Variants in WDR87 observed in about 807,000 individuals in gnomAD.
WDR87 encodes the protein WD repeat-containing protein 87.
A neutral mutation model predicts 83.3 loss-of-function variants in WDR87; 56 were observed. That is an observed-to-expected ratio of 0.67 (90% confidence interval 0.54 to 0.84). The LOEUF (loss-of-function observed/expected upper bound fraction) is 0.84, where lower values mean the gene tolerates loss of function less well. Among genes scored for constraint, WDR87 ranks in the 40% least tolerant of loss-of-function variants. The pLI, the probability that WDR87 is intolerant of heterozygous loss-of-function variation, is 0.00. For missense variants in WDR87, 2,939 were observed against 3,431.9 expected (o/e 0.86, Z 3.59); for synonymous variants, 1,173 against 1,250.6 (o/e 0.94, Z 1.31).
intron 1 of WDR87, among the ~76,000 whole-genome samples, chr19:37,904,352 G>A (rs984441392): frequency 6.7e-6 from 1 of 148,792 alleles, no homozygotes; most frequent in Admixed American, 6.7e-5. Context: ...TCTTTTGTGT[G>A]TGTGTGTGCT....
At position 37,892,765 on chromosome 19, in the gene WDR87, C is replaced by G; in HGVS notation, c.2938G>C (p.Ala980Pro). 6.4e-7 allele frequency: 1 copy of G among 1,551,762 alleles called. No individual in the cohort carries two copies. The highest frequency in any genetic ancestry group is 8.7e-7 in the Non-Finnish European group (1 of 1,146,990). ...TNSNPLIREL[A>P]WEGLKRLGMI... ...CCTAGACGCTTCAGCCCTTCCCAAG[C>G]TAGTTCTCGGATCAGCGGGTTGGAA... is the stretch of plus-strand genomic sequence containing the variant. Residue 980 changes from alanine to proline, a missense_variant, in exon 4 of 6, where the codon GCT becomes CCT. By Grantham distance (27) the Ala-to-Pro change is conservative. Coordinates refer to ENST00000447313, the MANE Select transcript of WDR87 (RefSeq NM_001291088.2).
rs868543396 is a variant in WDR87 at position 37,888,168 on chromosome 19, C to T, written c.5503G>A (p.Glu1835Lys). 1.3e-6 allele frequency: 2 copies of T among 1,552,036 alleles called. No homozygotes were observed. The highest frequency in any genetic ancestry group is 2.7e-5 in the African/African-American group (2 of 73,000). ...TGCTCCCTTTTCCGTCCCAGTCTTTCCTCTTCCTCAGGCATTTTTTCCTTG... is the reference window on the plus strand; with the variant it reads ...TGCTCCCTTTTCCGTCCCAGTCTTTTCTCTTCCTCAGGCATTTTTTCCTTG... ...QHKEKMPEEE[E>K]RLGRKREQLI... Residue 1835 changes from glutamate (E) to lysine (K), a missense_variant, in exon 6 of 6, where the codon GAA (glutamate) becomes AAA (lysine). By Grantham distance (56) the Glu-to-Lys change is moderately conservative. Around this residue, in one of 3 missense-constraint regions of WDR87, gnomAD observed 2,160 missense variants for 2,533.1 expected, o/e 0.85. Coordinates refer to ENST00000447313, the MANE Select transcript of WDR87 (RefSeq NM_001291088.2).
chr19:37,892,521 G>T, intron 4 of WDR87, 57 bp downstream of exon 4: 1 of 1,390,324 alleles, frequency 7.2e-7, no homozygotes, highest in Non-Finnish European at 9.6e-7. Context: ...AAATAGCAAA[G>T]GAAAGGAGGG....
rs943017090 is a variant in WDR87 at position 37,885,369 on chromosome 19, A to T, written c.8302T>A (p.Phe2768Ile). ...CGCAAAACATGGTACAGTGCCACAAATGTCTCCCACAAAGGCAACTCTTCC... is the reference window on the plus strand; with the variant it reads ...CGCAAAACATGGTACAGTGCCACAATTGTCTCCCACAAAGGCAACTCTTCC... ...KKEELPLWET[F>I]VALYHVLRML... Residue 2768 changes from phenylalanine (F) to isoleucine (I), a missense_variant, in exon 6 of 6, where the codon TTT becomes ATT. Transcript: ENST00000447313. 1 of 1,551,660 alleles carries T rather than the reference A, an allele frequency of 6.4e-7. No individual in the cohort carries two copies. The highest frequency in any genetic ancestry group is 1.4e-5 in the African/African-American group (1 of 73,040).
At chr19:37,891,286 C>T (rs560202863) in intron 5 of WDR87, among the ~76,000 whole-genome samples, 62 of 152,100 alleles carry the variant, frequency 4.1e-4, no homozygotes, top group Admixed American at 5.9e-4. Flanking sequence ...ACCTCAGCCT[C>T]CCAAATAGCT....
chr19:37,894,724 GCTC>G lies in WDR87; in HGVS notation c.976_978del (p.Glu326del). The G allele has an allele frequency of 6.4e-7, 1 of 1,551,726 alleles. No homozygotes were observed. Among genetic ancestry groups the G allele is most frequent in the East Asian group, 2.4e-5 (1 of 40,922 alleles). On this transcript the variant is annotated inframe_deletion, in exon 4 of 6. Transcript: ENST00000447313. ...CTGTCAATAAACTGGAGCCGGTATAGCTCCTCACCAAGCTCTAGCCGCCGAAGC... is the reference window on the plus strand; with the variant it reads ...CTGTCAATAAACTGGAGCCGGTATAGCTCACCAAGCTCTAGCCGCCGAAGC...
At chr19:37,892,501 AG>A in intron 4 of WDR87, 76 bp downstream of exon 4, 1 of 1,277,510 alleles carries the variant, frequency 7.8e-7, no homozygotes, top group South Asian at 1.6e-5. Flanking sequence ...ATTAATGAAC[AG>A]GGATGAAGAA....
At position 37,888,499 on chromosome 19, in the gene WDR87, T is replaced by C. The variant is rs936249628; in HGVS notation, c.5172A>G (p.Lys1724=). 4 of 1,551,462 alleles carry C rather than the reference T, an allele frequency of 2.6e-6. No homozygotes were observed. Among genetic ancestry groups the C allele is most frequent in the African/African-American group, 1.4e-5 (1 of 72,912 alleles). The part of the protein sequence containing the change: ...EEEKLAKKGG[K]LAEVKNILAQ... ...CCAATATGTTTTTCACCTCAGCCAG[T>C]TTCCCTCCTTTCTTTGCTAGTTTCT... The change falls in exon 6 of 6, where the codon AAA becomes AAG. Residue 1724 remains lysine, a synonymous_variant. Coordinates refer to ENST00000447313, the MANE Select transcript of WDR87 (RefSeq NM_001291088.2).
Position 37,894,127 on chromosome 19 carries a change from A to G in WDR87, c.1576T>C (p.Cys526Arg). 1 of 1,552,380 alleles carries G rather than the reference A, an allele frequency of 6.4e-7. No homozygotes were observed. Among genetic ancestry groups the G allele is most frequent in the East Asian group, 2.4e-5 (1 of 40,932 alleles). The stretch of plus-strand genomic sequence containing the variant: ...ACATAGTCATCCATTCCATAGGAAC[A>G]GAGCAGAGAGTTTCCTTGGCCACCA... ...IFGGQGNSLL[C>R]SYGMDDYVHL... Residue 526 changes from cysteine (C) to arginine (R), a missense_variant, in exon 4 of 6, where the codon TGT becomes CGT. Around this residue, in one of 3 missense-constraint regions of WDR87, gnomAD observed 553 missense variants for 577.9 expected, o/e 0.96. Coordinates refer to ENST00000447313, the MANE Select transcript of WDR87 (RefSeq NM_001291088.2).
At position 37,885,085 on chromosome 19, in the gene WDR87, A is replaced by G. The variant is rs902936140; in HGVS notation, c.8586T>C (p.Gly2862=). The G allele has an allele frequency of 2.7e-5, 40 of 1,467,516 alleles. No homozygotes were observed. Among genetic ancestry groups the G allele is most frequent in the Non-Finnish European group, 3.5e-5 (39 of 1,108,908 alleles). 90.9% of individuals were successfully genotyped at this position (1,467,516 alleles called of 1,614,324 possible). A position where few individuals can be genotyped will look rare whatever the true frequency, so the allele number is the denominator to read the frequency against. The change falls in exon 6 of 6, where the codon GGT becomes GGC. Residue 2862 remains glycine (G), a synonymous_variant. Transcript: ENST00000447313. ...AGTTCTGCCATGGGAGGGGTACCGC[A>G]CCCTGGAACTCCTGAGGACTTCTAG... The part of the protein sequence containing the change: ...HTPRSPQEFQ[G]AVPLPWQNCV...
rs1226501963 is a variant in WDR87 at position 37,885,316 on chromosome 19, G to A, written c.8355C>T (p.Asp2785=). ...AGAACTGTTCCATCCAAGCAGTGCT[G>A]TCTTTTGGATATCGCTGCTGCAGCA... ...LRMLQQRYPK[D]STAWMEQFYQ... The change falls in exon 6 of 6, where the codon GAC becomes GAT. Residue 2785 remains aspartate (D), a synonymous_variant. Coordinates refer to ENST00000447313, the MANE Select transcript of WDR87 (RefSeq NM_001291088.2). 5.2e-6 allele frequency: 8 copies of A among 1,551,346 alleles called. No individual in the cohort carries two copies. The highest frequency in any genetic ancestry group is 2.4e-5 in the East Asian group (1 of 40,934).
Position 37,887,475 on chromosome 19 carries a change from C to G in WDR87, c.6196G>C (p.Glu2066Gln). Residue 2066 changes from glutamate to glutamine, a missense_variant, in exon 6 of 6, where the codon GAG becomes CAG. By Grantham distance (29) the Glu-to-Gln change is conservative (BLOSUM62 2). Transcript: ENST00000447313. The part of the protein sequence containing the change: ...LLHEDRILAM[E>Q]ESEIAKGKLE... ...TTTCCTTTGGCAATTTCGCTTTCCTCCATGGCCAATATCCTGTCTTCATGT... is the reference window on the plus strand; with the variant it reads ...TTTCCTTTGGCAATTTCGCTTTCCTGCATGGCCAATATCCTGTCTTCATGT... 1 of 1,551,840 alleles carries G rather than the reference C, an allele frequency of 6.4e-7. No homozygotes were observed. The highest frequency in any genetic ancestry group is 8.7e-7 in the Non-Finnish European group (1 of 1,147,002).
In WDR87 at chr19:37,893,495, G is replaced by A; in HGVS notation, c.2208C>T (p.Asn736=). 6.4e-7 allele frequency: 1 copy of A among 1,551,860 alleles called. No homozygotes were observed. Among genetic ancestry groups the A allele is most frequent in the Non-Finnish European group, 8.7e-7 (1 of 1,147,036 alleles). The change falls in exon 4 of 6, where the codon AAC becomes AAT. Residue 736 remains asparagine (N), a synonymous_variant. Coordinates refer to ENST00000447313, the MANE Select transcript of WDR87 (RefSeq NM_001291088.2). ...AATGGTCAAAGGCAATGGCCCGGTTGTTGACAAGTTTCTCCAGACCCACTA... is the reference window on the plus strand; with the variant it reads ...AATGGTCAAAGGCAATGGCCCGGTTATTGACAAGTTTCTCCAGACCCACTA... ...QKLVGLEKLV[N]NRAIAFDHSV...
chr19:37,896,333 A>G, intron 2 of WDR87, 25 bp from the exon 3 acceptor site: 2 of 1,549,776 alleles, frequency 1.3e-6, no homozygotes, highest in Non-Finnish European at 8.7e-7. Context: ...GGCATAAACT[A>G]AGAGGCCAGG....
Position 37,889,537 on chromosome 19 carries a change from G to C in WDR87, c.4134C>G (p.His1378Gln), listed in dbSNP as rs1395024184. ...IQGVTQEVIRHKEVMPREEEQ... is the reference protein window; with the variant it reads ...IQGVTQEVIRQKEVMPREEEQ... Reference sequence around the variant, plus strand: ...CTTCTTCCCTTGGCATCACTTCCTTGTGTCTGATCACCTCTTGGGTCACAC... The same window carrying C: ...CTTCTTCCCTTGGCATCACTTCCTTCTGTCTGATCACCTCTTGGGTCACAC... The change falls in exon 6 of 6, where the codon CAC (histidine) becomes CAG (glutamine). Residue 1378 changes from histidine (H) to glutamine (Q), a missense_variant. His to Gln is a conservative substitution (Grantham distance 24, BLOSUM62 0). This residue lies in a region of WDR87 where 2,160 missense variants were observed against 2,533.1 expected (regional missense o/e 0.85). Transcript: ENST00000447313. 1 of 1,551,450 alleles carries C rather than the reference G, an allele frequency of 6.4e-7. No individual in the cohort carries two copies. Among genetic ancestry groups the C allele is most frequent in the Non-Finnish European group, 8.7e-7 (1 of 1,147,000 alleles).
chr19:37,887,600 G>A lies in WDR87; in HGVS notation c.6071C>T (p.Ser2024Phe). The A allele has an allele frequency of 6.4e-7, 1 of 1,551,938 alleles. No homozygotes were observed. Among genetic ancestry groups the A allele is most frequent in the Non-Finnish European group, 8.7e-7 (1 of 1,147,046 alleles). Reference sequence around the variant, plus strand: ...AGAAGTTTCTGGAGTCTCTCCCTTAGACAGTGTTTCTTTTCCCTCAACCAG... The same window carrying A: ...AGAAGTTTCTGGAGTCTCTCCCTTAAACAGTGTTTCTTTTCCCTCAACCAG... The part of the protein sequence containing the change: ...MRLVEGKETL[S>F]KGETPETSRQ... Residue 2024 changes from serine (S) to phenylalanine (F), a missense_variant, in exon 6 of 6, where the codon TCT becomes TTT. By Grantham distance (155) the Ser-to-Phe change is radical. Transcript: ENST00000447313.
In WDR87 at chr19:37,886,326, C is replaced by T. The variant is rs1439914562; in HGVS notation, c.7345G>A (p.Glu2449Lys). Residue 2449 changes from glutamate (E) to lysine (K), a missense_variant, in exon 6 of 6, where the codon GAG (glutamate) becomes AAG (lysine). Glu to Lys is a moderately conservative substitution (Grantham distance 56). This residue lies in a region of WDR87 where 2,160 missense variants were observed against 2,533.1 expected (regional missense o/e 0.85). Coordinates refer to ENST00000447313, the MANE Select transcript of WDR87 (RefSeq NM_001291088.2). ...MKEKTPVPVP[E>K]KQISWEDKKA... ...TTATCTTCCCAGGATATTTGTTTCT[C>T]CGGCACTGGCACTGGTGTTTTCTCT... 1 of 1,551,682 alleles carries T rather than the reference C, an allele frequency of 6.4e-7. No homozygotes were observed. The highest frequency in any genetic ancestry group is 1.4e-5 in the African/African-American group (1 of 73,148).
rs1470214211 is a variant in WDR87, at chr19:37,888,997, C to T, written c.4674G>A (p.Glu1558=). 2 of 1,552,018 alleles carry T rather than the reference C, an allele frequency of 1.3e-6. No individual in the cohort carries two copies. Among genetic ancestry groups the T allele is most frequent in the Non-Finnish European group, 1.7e-6 (2 of 1,147,082 alleles). The stretch of plus-strand genomic sequence containing the variant: ...TATTTTCCCAGACTTGTTTCCACTC[C>T]TCCCATTTCAGCTTCTTGTCCTCCT... ...MLQEDKKLKW[E]EWKQVWENML... The change falls in exon 6 of 6, where the codon GAG becomes GAA. Residue 1558 remains glutamate, a synonymous_variant. Transcript: ENST00000447313.
In WDR87 at chr19:37,888,452, G is replaced by A. The variant is rs372309972; in HGVS notation, c.5219C>T (p.Pro1740Leu). 4.0e-5 allele frequency: 62 copies of A among 1,551,916 alleles called. No individual in the cohort carries two copies. Among genetic ancestry groups the A allele is most frequent in the Non-Finnish European group, 5.1e-5 (59 of 1,147,082 alleles). The stretch of plus-strand genomic sequence containing the variant: ...CCAGTCCAGATTTTGTTCCCTCTGG[G>A]GCAGTTCTTCCACTTTCTGGGCCAA... ...NILAQKVEEL[P>L]QREQNLDWQE... Residue 1740 changes from proline to leucine, a missense_variant, in exon 6 of 6, where the codon CCC becomes CTC. Coordinates refer to ENST00000447313, the MANE Select transcript of WDR87 (RefSeq NM_001291088.2).
Sources: gnomAD v4.1 joint callset for allele counts (sites outside exome capture counted in the v4.1 genomes callset) on GRCh38, gnomAD v4.1.1 for gene constraint, gnomAD v4.1.1 regional missense constraint, MANE v1.5 for transcripts, NCBI Gene and HGNC (gene_info 2026-07-23, HGNC 2026-07-21) for gene names.